Variants in ASTN2 observed in about 807,000 individuals in gnomAD.
The protein encoded by ASTN2 is astrotactin-2.
A neutral mutation model predicts 139.8 loss-of-function variants in ASTN2; 54 were observed. The observed-to-expected ratio is 0.39, with a 90% CI of 0.31 to 0.48. The LOEUF (loss-of-function observed/expected upper bound fraction) is 0.48. Ranked by LOEUF, ASTN2 falls within the 20% of genes least tolerant of loss-of-function variation. ASTN2 has a pLI of 0.95. For missense variants in ASTN2, 1,565 were observed against 1,725.1 expected (o/e 0.91, Z 1.64); for synonymous variants, 756 against 719.5 (o/e 1.05, Z -0.81).
In ASTN2 at chr9:116,553,882, A is replaced by G. The variant is rs373401651; in HGVS notation, c.3355+64442T>C. 2.6e-5 allele frequency among the ~76,000 whole-genome samples: 4 copies of G among 152,354 alleles called. No individual in the cohort carries two copies. In the East Asian group the frequency reaches 5.8e-4, roughly 22 times the overall value. ...TAGAAAACTGCTATGGAAGGACAAGATATCAGCCTCCAAAGGGTCTTCTAT... is the reference window on the plus strand; with the variant it reads ...TAGAAAACTGCTATGGAAGGACAAGGTATCAGCCTCCAAAGGGTCTTCTAT... On this transcript the variant is annotated intron_variant, in intron 19 of 22. Transcript: ENST00000313400.
chr9:116,938,843 C>T (rs1705634809), intron 10 of ASTN2, among the ~76,000 whole-genome samples: 1 of 152,114 alleles, frequency 6.6e-6, no homozygotes, highest in African/African-American at 2.4e-5. Context: ...GGGAATATTC[C>T]CAGGAAGGGA....
At chr9:117,163,598 C>A (rs1467738191) in intron 3 of ASTN2, among the ~76,000 whole-genome samples, 1 of 152,000 alleles carries the variant, frequency 6.6e-6, no homozygotes, top group Non-Finnish European at 1.5e-5. Context: ...ATCATCACAA[C>A]CAATCCAGAT....
intron 19 of ASTN2, among the ~76,000 whole-genome samples, chr9:116,562,627 A>C (rs1251849956): frequency 6.7e-6 from 1 of 150,056 alleles, no homozygotes; most frequent in Non-Finnish European, 1.5e-5. Flanking sequence ...GTTACTCAGG[A>C]GGCTGAGGCA....
intron 20 of ASTN2, among the ~76,000 whole-genome samples, chr9:116,476,895 C>T (rs1199440180): frequency 6.6e-6 from 1 of 152,194 alleles, no homozygotes; most frequent in Non-Finnish European, 1.5e-5. Context: ...GGTTAAGATA[C>T]ATCCTGTCCC....
At chr9:117,094,183 GGAGGAGAGGA>G (rs71379260) in intron 5 of ASTN2, among the ~76,000 whole-genome samples, 47,101 of 121,998 alleles carry the variant, frequency 0.39, 8,611 homozygotes, top group East Asian at 0.58. Flanking sequence ...AGGGAGGGAG[GGAGGAGAGGA>G]GAGGAGAGGA....
chr9:116,820,560 C>T (rs1490725872), intron 12 of ASTN2, 57 bp downstream of exon 12: 6 of 1,567,014 alleles, frequency 3.8e-6, no homozygotes, highest in Non-Finnish European at 5.2e-6. Flanking sequence ...GATCATTTTC[C>T]CATGCATCCC....
In ASTN2 at chr9:117,000,466, A is replaced by T. The variant is rs532119256; in HGVS notation, c.1591+7626T>A. 2.6e-5 allele frequency among the ~76,000 whole-genome samples: 4 copies of T among 152,346 alleles called. No individual in the cohort carries two copies. In the South Asian group the frequency reaches 8.3e-4, roughly 32 times the overall value. ...CCATATTGTCAAAGGTTTTATTTACAGAACTTGGTGTGATGCCACAGATGT... is the reference window on the plus strand; with the variant it reads ...CCATATTGTCAAAGGTTTTATTTACTGAACTTGGTGTGATGCCACAGATGT... On this transcript the variant is annotated intron_variant, in intron 7 of 22. Coordinates refer to ENST00000313400, the MANE Select transcript of ASTN2 (RefSeq NM_001365068.1).
intron 1 of ASTN2, among the ~76,000 whole-genome samples, chr9:117,362,946 A>T (rs140877683): frequency 6.6e-6 from 1 of 152,044 alleles, no homozygotes; most frequent in East Asian, 1.9e-4. Context: ...CACTTATATA[A>T]CTAATAAGCC....
intron 13 of ASTN2, among the ~76,000 whole-genome samples, chr9:116,800,399 A>G (rs1830814600): frequency 6.6e-6 from 1 of 152,064 alleles, no homozygotes; most frequent in Non-Finnish European, 1.5e-5. Context: ...CTTAATGTGC[A>G]CCATGCTTAA....
At chr9:116,715,305 A>G (rs1164778246) in intron 16 of ASTN2, among the ~76,000 whole-genome samples, 1 of 152,176 alleles carries the variant, frequency 6.6e-6, no homozygotes, top group Non-Finnish European at 1.5e-5. Context: ...AGTGACATTC[A>G]AAGGTCTAAC....
chr9:116,810,595 T>C (rs1831137715), intron 12 of ASTN2, among the ~76,000 whole-genome samples: 1 of 152,198 alleles, frequency 6.6e-6, no homozygotes, highest in Admixed American at 6.5e-5. Context: ...TACTGATTTT[T>C]CGAAGTTGAT....
At chr9:116,688,283 G>A (rs1263212430) in intron 16 of ASTN2, among the ~76,000 whole-genome samples, 1 of 152,066 alleles carries the variant, frequency 6.6e-6, no homozygotes, top group Non-Finnish European at 1.5e-5. Flanking sequence ...GGTTTGGAGA[G>A]GATTGAATCG....
chr9:116,858,697 C>T lies in ASTN2; in HGVS notation c.2040+4886G>A, dbSNP rs376090083. Among the ~76,000 whole-genome samples the T allele has an allele frequency of 4.6e-5, 7 of 152,136 alleles. No individual in the cohort carries two copies. In the East Asian group the frequency reaches 9.6e-4, roughly 21 times the overall value. On this transcript the variant is annotated intron_variant, in intron 11 of 22. Coordinates refer to ENST00000313400, the MANE Select transcript of ASTN2 (RefSeq NM_001365068.1). ...TTGGAACACTGAAGGGGAACACAGG[C>T]TCCCTCTCTTTTCTGATGTTTCATT...
chr9:117,021,183 C>T (rs568782928), intron 6 of ASTN2, among the ~76,000 whole-genome samples: 3 of 152,260 alleles, frequency 2.0e-5, no homozygotes, highest in African/African-American at 7.2e-5. Flanking sequence ...GTTGGGATTG[C>T]AGGTGTGAGC....
At chr9:117,168,552 TA>T (rs886311464) in intron 3 of ASTN2, among the ~76,000 whole-genome samples, 1 of 152,140 alleles carries the variant, frequency 6.6e-6, no homozygotes, top group African/African-American at 2.4e-5. Flanking sequence ...CCAGAGCCTT[TA>T]TTTTTTTAGA....
At chr9:116,799,707 G>GGGGT (rs1491564649) in intron 13 of ASTN2, among the ~76,000 whole-genome samples, 2 of 55,428 alleles carry the variant, frequency 3.6e-5, no homozygotes, top group African/African-American at 2.3e-4. Context: ...GTAAGAGAGT[G>GGGGT]GGGGGGGGGA....
intron 13 of ASTN2, among the ~76,000 whole-genome samples, chr9:116,769,365 G>A (rs1161798736): frequency 1.3e-5 from 2 of 152,104 alleles, no homozygotes; most frequent in African/African-American, 4.8e-5. Flanking sequence ...GGCAGACTGT[G>A]GTGGGCGGGA....
rs149556507 is a variant in ASTN2 at position 117,377,225 on chromosome 9, C to G, written c.442+37272G>C. ...TAGTCAGCTGTTGGCCAGCCCTTGG[C>G]GATCCACTGGGACTGTTTCAGGAAG... On this transcript the variant is annotated intron_variant, in intron 1 of 22. Coordinates refer to ENST00000313400, the MANE Select transcript of ASTN2 (RefSeq NM_001365068.1). 1.0e-3 allele frequency among the ~76,000 whole-genome samples: 157 copies of G among 152,062 alleles called. 1 individual carries two copies. The East Asian group carries it at 0.024, about 23-fold the overall frequency.
chr9:117,147,258 G>T (rs1452351295), intron 3 of ASTN2, among the ~76,000 whole-genome samples: 1 of 152,090 alleles, frequency 6.6e-6, no homozygotes, highest in Non-Finnish European at 1.5e-5. Flanking sequence ...TGGCCAACAT[G>T]ATGAAACCCC....
Sources: gnomAD v4.1 joint callset for allele counts (sites outside exome capture counted in the v4.1 genomes callset) on GRCh38, gnomAD v4.1.1 for gene constraint, MANE v1.5 for transcripts, NCBI Gene and HGNC (gene_info 2026-07-23, HGNC 2026-07-21) for gene names.